SLC2A2: variants seen among roughly 807,000 people sequenced by gnomAD.
The protein encoded by SLC2A2 is solute carrier family 2, facilitated glucose transporter member 2.
Under a neutral mutation model 54.5 loss-of-function variants are expected in SLC2A2, and 36 were observed. The ratio of observed to expected loss-of-function variants is 0.66; its 90% CI spans 0.51 to 0.87. The LOEUF is 0.87. Ranked by LOEUF, SLC2A2 falls within the 40% of genes least tolerant of loss-of-function variation. SLC2A2 has a pLI of 0.00. For synonymous variants in SLC2A2, 223 were observed against 219.1 expected, an observed-to-expected ratio of 1.02 and a Z score of -0.16; for missense variants, 543 against 624.3, an observed-to-expected ratio of 0.87 and a Z score of 1.39.
In SLC2A2 at chr3:171,005,373, A is replaced by G; in HGVS notation, c.875T>C (p.Ile292Thr). ...GTAGCTGGAATTGGTGAAGAGCTGA[A>G]TTATAGAGACTTTCTGCTCACTCGA... ...EASSEQKVSI[I>T]QLFTNSSYRQ... Residue 292 changes from isoleucine (I) to threonine (T), a missense_variant, in exon 7 of 11, where the codon ATT becomes ACT. Ile to Thr is a moderately conservative substitution (Grantham distance 89). Transcript: ENST00000314251. 1 of 1,612,992 alleles carries G rather than the reference A, an allele frequency of 6.2e-7. No homozygotes were observed. Among genetic ancestry groups the G allele is most frequent in the Non-Finnish European group, 8.5e-7 (1 of 1,179,282 alleles).
intron 2 of SLC2A2, 68 bp downstream of exon 2, chr3:171,018,463 T>C: frequency 9.2e-7 from 1 of 1,086,014 alleles, no homozygotes; most frequent in South Asian, 1.2e-5. Flanking sequence ...TCTCTGTGTA[T>C]GAGGAACATA....
chr3:170,999,347 A>G (rs1715240030), intron 8 of SLC2A2, among the ~76,000 whole-genome samples, 181 bp from the exon 9 acceptor site: 1 of 152,108 alleles, frequency 6.6e-6, no homozygotes, highest in African/African-American at 2.4e-5. Context: ...CCCAGGTGGC[A>G]GAGCTAGTTT....
At position 170,997,499 on chromosome 3, in the gene SLC2A2, T is replaced by G. The variant is rs1321459315; in HGVS notation, c.*404A>C. 5.4e-6 allele frequency: 1 copy of G among 185,590 alleles called. No individual in the cohort carries two copies. The highest frequency in any genetic ancestry group is 2.4e-5 in the African/African-American group (1 of 41,804). 11.5% of individuals were successfully genotyped at this position (185,590 alleles called of 1,614,324 possible). ...GCCATATCTCCTTTAACATAAGATA[T>G]ATGGGTAAGAAAATTCCAATTTAAT... On this transcript the variant is annotated 3_prime_UTR_variant, in exon 11 of 11. Coordinates refer to ENST00000314251, the MANE Select transcript of SLC2A2 (RefSeq NM_000340.2).
At chr3:171,004,379 CT>C in intron 7 of SLC2A2, among the ~76,000 whole-genome samples, 1 of 152,012 alleles carries the variant, frequency 6.6e-6, no homozygotes, top group East Asian at 1.9e-4. Context: ...CATCAAGGAC[CT>C]CTTAAAGGAG....
intron 8 of SLC2A2, among the ~76,000 whole-genome samples, chr3:171,000,546 C>A (rs1043422072): frequency 1.3e-5 from 2 of 148,606 alleles, no homozygotes; most frequent in Admixed American, 1.3e-4. Context: ...CCCAGGGCCT[C>A]ACGCAAATCC....
intron 3 of SLC2A2, among the ~76,000 whole-genome samples, chr3:171,010,366 C>G: frequency 6.6e-6 from 1 of 152,076 alleles, no homozygotes; most frequent in Non-Finnish European, 1.5e-5. Context: ...CTCTGTCACT[C>G]AGGCTGGAGT....
At position 171,026,684 on chromosome 3, in the gene SLC2A2, A is replaced by G. The variant is rs1716716957; in HGVS notation, c.-14T>C. On this transcript the variant is annotated 5_prime_UTR_variant, in exon 1 of 11. Coordinates refer to ENST00000314251, the MANE Select transcript of SLC2A2 (RefSeq NM_000340.2). ...ATCTTCTGTCATTGTACTAGTTGGGAGTCCTGTCAATTCCAGGTCTTGTGT... is the reference window on the plus strand; with the variant it reads ...ATCTTCTGTCATTGTACTAGTTGGGGGTCCTGTCAATTCCAGGTCTTGTGT... 1 of 1,612,130 alleles carries G rather than the reference A, an allele frequency of 6.2e-7. No homozygotes were observed.
chr3:170,998,278 C>G lies in SLC2A2; in HGVS notation c.1289G>C (p.Gly430Ala). The change falls in exon 10 of 11, where the codon GGA becomes GCA. Residue 430 changes from glycine (G) to alanine (A), a missense_variant. Physicochemically the swap from Gly to Ala is moderately conservative, Grantham distance 60. Transcript: ENST00000314251. Reference protein sequence around the residue: ...WFMVAEFFSQGPRPAALAIAA... With the variant: ...WFMVAEFFSQAPRPAALAIAA... The stretch of plus-strand genomic sequence containing the variant: ...TATTGCTAAAGCAGCAGGACGTGGT[C>G]CTTGACTGAAAAACTCAGCCACCAT... 6.2e-7 allele frequency: 1 copy of G among 1,613,808 alleles called. No homozygotes were observed. The highest frequency in any genetic ancestry group is 8.5e-7 in the Non-Finnish European group (1 of 1,179,806).
Position 171,018,593 on chromosome 3 carries a change from T to C in SLC2A2, c.46A>G (p.Thr16Ala). ...VTGTLVFTVI[T>A]AVLGSFQFGY... ...AACTGGAAGGAACCCAGCACAGCAG[T>C]GATGACAGTGAAAACCAGGGTCCCA... is the stretch of plus-strand genomic sequence containing the variant. Residue 16 changes from threonine (T) to alanine (A), a missense_variant, in exon 2 of 11, where the codon ACT (threonine) becomes GCT (alanine). By Grantham distance (58) the Thr-to-Ala change is moderately conservative (BLOSUM62 0). This residue lies in a region of SLC2A2 where 318 missense variants were observed against 343.8 expected (regional missense o/e 0.93). Transcript: ENST00000314251. The C allele has an allele frequency of 6.2e-7, 1 of 1,613,944 alleles. No individual in the cohort carries two copies. Among genetic ancestry groups the C allele is most frequent in the Non-Finnish European group, 8.5e-7 (1 of 1,179,852 alleles).
At chr3:170,999,477 A>G (rs567137767) in intron 8 of SLC2A2, among the ~76,000 whole-genome samples, 1 of 152,248 alleles carries the variant, frequency 6.6e-6, no homozygotes, top group Admixed American at 6.5e-5. Context: ...TTTGGGTACA[A>G]TATTCACAGA....
chr3:171,002,880 C>T (rs533971256), intron 7 of SLC2A2, among the ~76,000 whole-genome samples, 200 bp from the exon 8 acceptor site: 30 of 152,066 alleles, frequency 2.0e-4, no homozygotes, highest in African/African-American at 7.2e-4. Flanking sequence ...GCTTAAACGT[C>T]CTCCTTATAT....
intron 1 of SLC2A2, among the ~76,000 whole-genome samples, chr3:171,021,665 GAC>G (rs1716474139): frequency 6.6e-6 from 1 of 152,152 alleles, no homozygotes; most frequent in Non-Finnish European, 1.5e-5. Context: ...AGTATCACTG[GAC>G]TAAAATCAGG....
At chr3:171,015,876 A>T (rs1576839527) in intron 2 of SLC2A2, among the ~76,000 whole-genome samples, 1 of 152,222 alleles carries the variant, frequency 6.6e-6, no homozygotes, top group African/African-American at 2.4e-5. Context: ...ACTAAATTTC[A>T]TGGAGCCATA....
intron 1 of SLC2A2, among the ~76,000 whole-genome samples, chr3:171,019,624 C>A (rs984845933): frequency 4.6e-5 from 7 of 152,044 alleles, no homozygotes; most frequent in African/African-American, 1.7e-4. Flanking sequence ...AAATATCGTT[C>A]AATGGGAAAT....
rs146362055 is a variant in SLC2A2 at position 171,008,239 on chromosome 3, A to G, written c.497-976T>C. On this transcript the variant is annotated intron_variant, in intron 4 of 10. Coordinates refer to ENST00000314251, the MANE Select transcript of SLC2A2 (RefSeq NM_000340.2). Reference sequence around the variant, plus strand: ...TTCAAAATATATTTTTTAATGCTTCAAATTGTTCTTAATGTCTCAAATGAA... The same window carrying G: ...TTCAAAATATATTTTTTAATGCTTCGAATTGTTCTTAATGTCTCAAATGAA... Among the ~76,000 whole-genome samples, 1,015 of 152,240 alleles carry G rather than the reference A, an allele frequency of 6.7e-3. 7 individuals are homozygous for G. Among genetic ancestry groups the G allele is most frequent in the Non-Finnish European group, 1.0e-2 (679 of 67,984 alleles).
chr3:171,012,273 G>A (rs796323281), intron 3 of SLC2A2, among the ~76,000 whole-genome samples: 39 of 152,296 alleles, frequency 2.6e-4, no homozygotes, highest in African/African-American at 8.7e-4. Flanking sequence ...GCAGATGGGA[G>A]GAAAACGTCT....
At chr3:171,005,152 T>C in intron 7 of SLC2A2, 133 bp downstream of exon 7, 3 of 768,276 alleles carry the variant, frequency 3.9e-6, no homozygotes, top group East Asian at 5.1e-5. Context: ...GCTTACTCAA[T>C]GTACGTTTGT....
chr3:171,023,856 A>G (rs1716571942), intron 1 of SLC2A2, among the ~76,000 whole-genome samples: 1 of 152,214 alleles, frequency 6.6e-6, no homozygotes, highest in African/African-American at 2.4e-5. Flanking sequence ...TTCAGCTTGC[A>G]CTTTAAAAAA....
chr3:171,013,123 A>G (rs1715966493), intron 3 of SLC2A2, among the ~76,000 whole-genome samples: 1 of 152,120 alleles, frequency 6.6e-6, no homozygotes, highest in Admixed American at 6.5e-5. Flanking sequence ...TTTAGAACGT[A>G]ATTTAATTTT....
Sources: allele counts gnomAD v4.1 joint callset (sites outside exome capture counted in the v4.1 genomes callset), GRCh38; gene constraint gnomAD v4.1.1; regional missense constraint gnomAD v4.1.1; transcripts MANE v1.5; gene names NCBI Gene and HGNC (gene_info 2026-07-23, HGNC 2026-07-21).